DLG1: variants seen among roughly 807,000 people sequenced by gnomAD.
DLG1 encodes the protein discs large MAGUK scaffold protein 1, also known as disks large homolog 1.
DLG1 carries 42 observed loss-of-function variants against 123.4 expected under a neutral mutation model. That is an observed-to-expected ratio of 0.34 (90% confidence interval 0.27 to 0.44). The LOEUF is 0.44. Among genes scored for constraint, DLG1 ranks in the 20% least tolerant of loss-of-function variants. DLG1 has a pLI of 1.00. For missense variants in DLG1, 942 were observed against 1,082.6 expected (o/e 0.87, Z 1.82); for synonymous variants, 317 against 356.2 (o/e 0.89, Z 1.24).
At chr3:197,064,822 T>C (rs1738468211) in intron 22 of DLG1, among the ~76,000 whole-genome samples, 1 of 151,998 alleles carries the variant, frequency 6.6e-6, no homozygotes, top group South Asian at 2.1e-4. Context: ...TTTCTTTTTT[T>C]AAGAGCCAGG....
Position 197,203,912 on chromosome 3 carries a change from T to C in DLG1, c.319-9323A>G, listed in dbSNP as rs1202001914. 2.6e-5 allele frequency among the ~76,000 whole-genome samples: 4 copies of C among 152,278 alleles called. No individual in the cohort carries two copies. The East Asian group carries it at 7.7e-4, about 29-fold the overall frequency. On this transcript the variant is annotated intron_variant, in intron 4 of 24. Transcript: ENST00000667157. ...GGGGCCCAAACAACACAGATACTTTTAGGGTAAGGAAGACAATGAAATCTA... is the reference window on the plus strand; with the variant it reads ...GGGGCCCAAACAACACAGATACTTTCAGGGTAAGGAAGACAATGAAATCTA...
chr3:197,263,131 C>T (rs1284046943), intron 4 of DLG1, among the ~76,000 whole-genome samples: 1 of 152,030 alleles, frequency 6.6e-6, no homozygotes, highest in South Asian at 2.1e-4. Context: ...TTGCATTTTG[C>T]GAAGAAAAAT....
chr3:197,282,880 A>G (rs1049583106), intron 3 of DLG1, 35 bp from the exon 4 acceptor site: 2 of 1,307,850 alleles, frequency 1.5e-6, no homozygotes, highest in African/African-American at 1.5e-5. Context: ...ATAAGTATTT[A>G]TATTTTCTAA....
At chr3:197,097,585 T>TTC (rs1761315077) in intron 14 of DLG1, among the ~76,000 whole-genome samples, 1 of 146,318 alleles carries the variant, frequency 6.8e-6, no homozygotes, top group Non-Finnish European at 1.5e-5. Flanking sequence ...ACTTTCTTTT[T>TTC]TTTTTTTTTT....
intron 6 of DLG1, among the ~76,000 whole-genome samples, chr3:197,143,903 C>A (rs886448514): frequency 1.3e-5 from 2 of 152,182 alleles, no homozygotes; most frequent in African/African-American, 4.8e-5. Context: ...CCTAGTCTCT[C>A]CTGAAAGAAG....
chr3:197,182,009 T>A (rs911879888), intron 5 of DLG1, among the ~76,000 whole-genome samples: 17 of 152,204 alleles, frequency 1.1e-4, no homozygotes, highest in Non-Finnish European at 2.4e-4. Flanking sequence ...TTCAACACTT[T>A]ATACATGAAC....
chr3:197,230,659 AATCCC>A (rs1225884991), intron 4 of DLG1, among the ~76,000 whole-genome samples: 4 of 152,176 alleles, frequency 2.6e-5, no homozygotes, highest in African/African-American at 9.6e-5. Context: ...CACTGTCCCC[AATCCC>A]ACTGATTTTC....
intron 16 of DLG1, among the ~76,000 whole-genome samples, chr3:197,082,583 T>A (rs570836633): frequency 6.6e-6 from 1 of 152,164 alleles, no homozygotes; most frequent in Non-Finnish European, 1.5e-5. Flanking sequence ...ATTGTCTATA[T>A]TTGTAAATAT....
intron 5 of DLG1, chr3:197,184,188 T>C (rs1714366685): frequency 2.2e-6 from 2 of 900,470 alleles, no homozygotes; most frequent in Non-Finnish European, 1.4e-6. Flanking sequence ...AGAAGGATGC[T>C]ATAAACACTG....
At chr3:197,095,638 C>G (rs571076766) in intron 14 of DLG1, among the ~76,000 whole-genome samples, 3 of 152,234 alleles carry the variant, frequency 2.0e-5, no homozygotes, top group Admixed American at 6.5e-5. Context: ...ACTTTAATCG[C>G]TTGATAAAAG....
intron 3 of DLG1, among the ~76,000 whole-genome samples, chr3:197,283,908 C>T (rs1770578245): frequency 7.3e-6 from 1 of 136,596 alleles, no homozygotes; most frequent in Non-Finnish European, 1.5e-5. Flanking sequence ...GTCGCCCAGG[C>T]TGGAGTGCAG....
chr3:197,146,607 T>C (rs1482076034), intron 6 of DLG1, among the ~76,000 whole-genome samples: 1 of 152,068 alleles, frequency 6.6e-6, no homozygotes, highest in East Asian at 1.9e-4. Flanking sequence ...ATGTAGAAAA[T>C]GAAACTGGAT....
intron 23 of DLG1, among the ~76,000 whole-genome samples, chr3:197,054,979 C>T (rs912559447): frequency 1.3e-5 from 2 of 152,062 alleles, no homozygotes; most frequent in South Asian, 2.1e-4. Flanking sequence ...CCACGCCCAG[C>T]TAATTTTGTA....
At chr3:197,298,506 T>G (rs1778565845) in intron 1 of DLG1, 30 bp downstream of exon 1, 1 of 396,632 alleles carries the variant, frequency 2.5e-6, no homozygotes, top group Non-Finnish European at 4.4e-6. Context: ...AGGCGTGACC[T>G]CGCCTACACC....
intron 3 of DLG1, among the ~76,000 whole-genome samples, chr3:197,293,465 C>T (rs1775899372): frequency 6.6e-6 from 1 of 152,122 alleles, no homozygotes; most frequent in Non-Finnish European, 1.5e-5. Context: ...CACAGAAACA[C>T]TGTCAATTAA....
chr3:197,177,093 GA>G (rs1195945950), intron 5 of DLG1, among the ~76,000 whole-genome samples: 2 of 152,012 alleles, frequency 1.3e-5, no homozygotes, highest in Non-Finnish European at 2.9e-5. Flanking sequence ...CAGAAAAACA[GA>G]AACATAAAAT....
intron 13 of DLG1, among the ~76,000 whole-genome samples, chr3:197,111,868 G>A (rs1234952261): frequency 6.6e-6 from 1 of 152,126 alleles, no homozygotes; most frequent in Admixed American, 6.5e-5. Flanking sequence ...GTATTATATT[G>A]TGTAAACATA....
intron 4 of DLG1, among the ~76,000 whole-genome samples, chr3:197,215,535 T>G (rs1458161051): frequency 6.6e-6 from 1 of 152,082 alleles, no homozygotes; most frequent in African/African-American, 2.4e-5. Context: ...ACTGGTAATT[T>G]GACATTAAAA....
intron 4 of DLG1, among the ~76,000 whole-genome samples, chr3:197,278,487 G>A (rs1017912819): frequency 6.6e-6 from 1 of 150,886 alleles, no homozygotes; most frequent in Non-Finnish European, 1.5e-5. Context: ...AACAAAAAAA[G>A]TAGTACAAAA....
Sources: gnomAD v4.1 joint callset for allele counts (sites outside exome capture counted in the v4.1 genomes callset) on GRCh38, gnomAD v4.1.1 for gene constraint, MANE v1.5 for transcripts, NCBI Gene and HGNC (gene_info 2026-07-23, HGNC 2026-07-21) for gene names.